OR2V1: variants seen among roughly 807,000 people sequenced by gnomAD.
OR2V1 encodes the protein olfactory receptor family 2 subfamily V member 1, also known as olfactory receptor 2V1.
OR2V1 carries 18 observed loss-of-function variants against 15.0 expected under a neutral mutation model. The observed-to-expected ratio is 1.20, with a 90% CI of 0.83 to 1.78. OR2V1 has a LOEUF of 1.78. Among genes scored for constraint, OR2V1 ranks in the 40% most tolerant of loss-of-function variants. OR2V1 has a pLI of 0.00. For missense variants in OR2V1, 359 were observed against 392.9 expected (o/e 0.91, Z 0.73); for synonymous variants, 144 against 146.1 (o/e 0.99, Z 0.10).
At position 181,123,221 on chromosome 5, in the gene OR2V1, G is replaced by T. The variant is rs1762825371; in HGVS notation, c.*1136C>A. On this transcript the variant is annotated 3_prime_UTR_variant, in exon 4 of 4. Coordinates refer to ENST00000641551, the MANE Select transcript of OR2V1 (RefSeq NM_001258283.2). ...TGCTACTTATAAGGCACAGGGTCTGGTACTGGTAATACACTGTGAACCCCC... is the reference window on the plus strand; with the variant it reads ...TGCTACTTATAAGGCACAGGGTCTGTTACTGGTAATACACTGTGAACCCCC... 6.6e-6 allele frequency: 1 copy of T among 152,134 alleles called. No individual in the cohort carries two copies. The highest frequency in any genetic ancestry group is 1.5e-5 in the Non-Finnish European group (1 of 68,036). 9.4% of individuals were successfully genotyped at this position (152,134 alleles called of 1,614,324 possible).
intron 3 of OR2V1, among the ~76,000 whole-genome samples, chr5:181,125,849 G>A (rs1762865443): frequency 6.6e-6 from 1 of 152,176 alleles, no homozygotes; most frequent in African/African-American, 2.4e-5. Flanking sequence ...GCCAGGCGTG[G>A]TGGCGCATGA....
chr5:181,124,392 C>T lies in OR2V1; in HGVS notation c.913G>A (p.Gly305Arg). ...NGEVMGALRKGLDRCRIGSQH is the reference protein window; with the variant it reads ...NGEVMGALRKRLDRCRIGSQH ...CTGCCAATCCTGCAGCGGTCCAGCC[C>T]CTTCCTCAGTGCCCCCATCACCTCC... The change falls in exon 4 of 4, where the codon GGG (glycine) becomes AGG (arginine). Residue 305 changes from glycine (G) to arginine (R), a missense_variant. Coordinates refer to ENST00000641551, the MANE Select transcript of OR2V1 (RefSeq NM_001258283.2). The T allele has an allele frequency of 6.2e-7, 1 of 1,606,794 alleles. No individual in the cohort carries two copies. Among genetic ancestry groups the T allele is most frequent in the Non-Finnish European group, 8.5e-7 (1 of 1,176,006 alleles).
rs553829882 is a variant in OR2V1, at chr5:181,127,054, G to A, written c.-21-1729C>T. Among the ~76,000 whole-genome samples the A allele has an allele frequency of 6.9e-4, 105 of 152,332 alleles. 1 individual carries two copies. The highest frequency in any genetic ancestry group is 2.5e-3 in the African/African-American group (102 of 41,582). ...TGGAAGCCGGATGAAAACGCTGAAT[G>A]TCTCGTTCTCCCAGGCCCCTTCCTG... On this transcript the variant is annotated intron_variant, in intron 3 of 3. Coordinates refer to ENST00000641551, the MANE Select transcript of OR2V1 (RefSeq NM_001258283.2).
chr5:181,127,817 C>T (rs76969566), intron 3 of OR2V1, among the ~76,000 whole-genome samples: 4 of 151,892 alleles, frequency 2.6e-5, no homozygotes, highest in African/African-American at 9.7e-5. Context: ...CAGGTTCCCC[C>T]AGATCCCCCA....
In OR2V1 at chr5:181,128,461, G is replaced by C. The variant is rs151304283; in HGVS notation, c.-22+1059C>G. 1.2e-4 allele frequency among the ~76,000 whole-genome samples: 19 copies of C among 152,274 alleles called. 1 individual carries two copies. In the East Asian group the frequency reaches 3.7e-3, roughly 29 times the overall value. ...CAGGAATAAAGCCAAAGTACTTCCA[G>C]AGGAAATGCAAGACTCATCAGCAGC... On this transcript the variant is annotated intron_variant, in intron 3 of 3. Transcript: ENST00000641551.
rs1177825331 is a variant in OR2V1, at chr5:181,131,081, T to C, written c.-152A>G. 6.6e-6 allele frequency: 1 copy of C among 152,256 alleles called. No homozygotes were observed. The highest frequency in any genetic ancestry group is 1.5e-5 in the Non-Finnish European group (1 of 68,124). The allele number at this position is 152,256 out of a possible 1,614,324, so 9.4% of individuals were successfully genotyped here. On this transcript the variant is annotated 5_prime_UTR_variant, in exon 1 of 4. Transcript: ENST00000641551. Reference sequence around the variant, plus strand: ...GAGAGTCGGGTGGAGCCTGGGGGCCTGGTTGGGATCCTCATAAACCTGACA... The same window carrying C: ...GAGAGTCGGGTGGAGCCTGGGGGCCCGGTTGGGATCCTCATAAACCTGACA...
At position 181,124,775 on chromosome 5, in the gene OR2V1, T is replaced by C. The variant is rs10035767; in HGVS notation, c.530A>G (p.His177Arg). The change falls in exon 4 of 4, where the codon CAC (histidine) becomes CGC (arginine). Residue 177 changes from histidine to arginine, a missense_variant. His to Arg is a conservative substitution (Grantham distance 29). Transcript: ENST00000641551. ...TAAAGCTTGTACCTCACAGAAAAAG[T>C]GATCCACGCTCCTTGAGCCACAGTA... ...LPYCGSRSVD[H>R]FFCEVQALLK... 7.0e-3 allele frequency: 11,248 copies of C among 1,600,264 alleles called. 522 individuals are homozygous for C. In the African/African-American group the frequency reaches 0.11, roughly 16 times the overall value.
At position 181,124,673 on chromosome 5, in the gene OR2V1, G is replaced by C; in HGVS notation, c.632C>G (p.Pro211Arg). Reference protein sequence around the residue: ...FACCVFMLLLPFSIIMASYAC... With the variant: ...FACCVFMLLLRFSIIMASYAC... ...ATAGGAGGCCATGATGATGGAGAAG[G>C]GAAGGAGAAGCATGAAGACACAGCA... The change falls in exon 4 of 4, where the codon CCC becomes CGC. Residue 211 changes from proline (P) to arginine (R), a missense_variant. By Grantham distance (103) the Pro-to-Arg change is moderately radical. Coordinates refer to ENST00000641551, the MANE Select transcript of OR2V1 (RefSeq NM_001258283.2). 2 of 1,613,370 alleles carry C rather than the reference G, an allele frequency of 1.2e-6. No individual in the cohort carries two copies. Among genetic ancestry groups the C allele is most frequent in the Non-Finnish European group, 1.7e-6 (2 of 1,180,016 alleles).
intron 3 of OR2V1, among the ~76,000 whole-genome samples, chr5:181,125,754 G>A (rs1330193603): frequency 6.6e-6 from 1 of 152,236 alleles, no homozygotes; most frequent in African/African-American, 2.4e-5. Context: ...GGGATGCTGA[G>A]GCGGGTGGAT....
At chr5:181,128,483 C>T (rs1046652609) in intron 3 of OR2V1, among the ~76,000 whole-genome samples, 2 of 152,238 alleles carry the variant, frequency 1.3e-5, no homozygotes, top group Admixed American at 6.5e-5. Context: ...GACTCATCAG[C>T]AGCCCTCCAC....
Position 181,123,810 on chromosome 5 carries a change from G to A in OR2V1, c.*547C>T, listed in dbSNP as rs1485944853. 1 of 152,224 alleles carries A rather than the reference G, an allele frequency of 6.6e-6. No individual in the cohort carries two copies. The highest frequency in any genetic ancestry group is 1.5e-5 in the Non-Finnish European group (1 of 68,056). 9.4% of individuals were successfully genotyped at this position (152,224 alleles called of 1,614,324 possible). A position where few individuals can be genotyped will look rare whatever the true frequency, so the allele number is the denominator to read the frequency against. On this transcript the variant is annotated 3_prime_UTR_variant, in exon 4 of 4. Coordinates refer to ENST00000641551, the MANE Select transcript of OR2V1 (RefSeq NM_001258283.2). The stretch of plus-strand genomic sequence containing the variant: ...TGAACATAGAAAAAGGCAAAGAACT[G>A]TCCAAAAAGAGTTATAGGGACTCAA...
chr5:181,126,359 C>A (rs1160687281), intron 3 of OR2V1, among the ~76,000 whole-genome samples: 2 of 151,694 alleles, frequency 1.3e-5, no homozygotes, highest in Admixed American at 6.6e-5. Flanking sequence ...TCAATGACAT[C>A]CCAAATTACT....
rs1402269311 is a variant in OR2V1 at position 181,123,177 on chromosome 5, T to C, written c.*1180A>G. On this transcript the variant is annotated 3_prime_UTR_variant, in exon 4 of 4. Coordinates refer to ENST00000641551, the MANE Select transcript of OR2V1 (RefSeq NM_001258283.2). ...ATGCTCTCTTCTTGCATTCATTCAA[T>C]AATGTTTTATTGAGCAACTGCTACT... 6.6e-6 allele frequency: 1 copy of C among 152,226 alleles called. No individual in the cohort carries two copies. The highest frequency in any genetic ancestry group is 1.9e-4 in the East Asian group (1 of 5,194). The allele number at this position is 152,226 out of a possible 1,614,324, so 9.4% of individuals were successfully genotyped here.
In OR2V1 at chr5:181,124,393, C is replaced by CT. The variant is rs1177416678; in HGVS notation, c.911dup (p.Leu306AlafsTer35). 1.9e-6 allele frequency: 3 copies of CT among 1,607,220 alleles called. No individual in the cohort carries two copies. In the Admixed American group the frequency reaches 5.0e-5, roughly 27 times the overall value. ...TGCCAATCCTGCAGCGGTCCAGCCC[C>CT]TTCCTCAGTGCCCCCATCACCTCCC... On this transcript the variant is annotated frameshift_variant, in exon 4 of 4. Transcript: ENST00000641551. LOFTEE classifies it high-confidence loss of function.
chr5:181,126,654 A>T (rs765900751), intron 3 of OR2V1, among the ~76,000 whole-genome samples: 10 of 152,166 alleles, frequency 6.6e-5, no homozygotes, highest in Non-Finnish European at 1.0e-4. Flanking sequence ...ACCCAGAGAC[A>T]TACAGACATG....
chr5:181,129,722 TAGA>T (rs1157158236), intron 2 of OR2V1, 147 bp from the exon 3 acceptor site: 1 of 156,448 alleles, frequency 6.4e-6, no homozygotes, highest in African/African-American at 2.4e-5. Context: ...AACCACAACA[TAGA>T]AGAAGCCACT....
intron 3 of OR2V1, among the ~76,000 whole-genome samples, chr5:181,127,332 G>A (rs1444039910): frequency 6.6e-6 from 1 of 152,178 alleles, no homozygotes; most frequent in East Asian, 1.9e-4. Flanking sequence ...CATTGGCCTT[G>A]GTCTGAGTGT....
At chr5:181,128,598 G>A (rs1056328758) in intron 3 of OR2V1, among the ~76,000 whole-genome samples, 1 of 152,180 alleles carries the variant, frequency 6.6e-6, no homozygotes, top group African/African-American at 2.4e-5. Context: ...GCTCCAGGGG[G>A]CCTGGACACT....
chr5:181,124,788 T>A lies in OR2V1; in HGVS notation c.517A>T (p.Arg173Trp), dbSNP rs1762851478. The A allele has an allele frequency of 6.3e-7, 1 of 1,596,796 alleles. No individual in the cohort carries two copies. The highest frequency in any genetic ancestry group is 8.5e-7 in the Non-Finnish European group (1 of 1,172,974). ...AAMGLPYCGS[R>W]SVDHFFCEVQ... ...TCACAGAAAAAGTGATCCACGCTCC[T>A]TGAGCCACAGTAAGGTAAGCCCATG... The change falls in exon 4 of 4, where the codon AGG (arginine) becomes TGG (tryptophan). Residue 173 changes from arginine (R) to tryptophan (W), a missense_variant. Coordinates refer to ENST00000641551, the MANE Select transcript of OR2V1 (RefSeq NM_001258283.2).
Sources: gnomAD v4.1 joint callset for allele counts (sites outside exome capture counted in the v4.1 genomes callset) on GRCh38, gnomAD v4.1.1 for gene constraint, MANE v1.5 for transcripts, NCBI Gene and HGNC (gene_info 2026-07-23, HGNC 2026-07-21) for gene names.